HR: variants seen among roughly 807,000 people sequenced by gnomAD.
HR encodes lysine-specific demethylase hairless.
In HR, 83 loss-of-function variants were observed where a neutral mutation model predicts 128.6. That is an observed-to-expected ratio of 0.65 (90% CI 0.54 to 0.77). The LOEUF (loss-of-function observed/expected upper bound fraction) is 0.77, where lower values mean the gene tolerates loss of function less well. Among genes scored for constraint, HR ranks in the 30% least tolerant of loss-of-function variants. The pLI is 0.00. For missense variants in HR, 1,490 were observed against 1,574.6 expected (o/e 0.95, Z 0.91); for synonymous variants, 681 against 658.2 (o/e 1.03, Z -0.53).
rs1310854425 is a variant in HR, at chr8:22,128,766, AG to A, written c.404del (p.Pro135LeufsTer33). The A allele has an allele frequency of 6.2e-7, 1 of 1,607,914 alleles. No individual in the cohort carries two copies. The highest frequency in any genetic ancestry group is 1.7e-5 in the Admixed American group (1 of 58,826). Reference sequence around the variant, plus strand: ...GGCAGTGCCAGGGCCGGAAGGCCACAGGGTCACTCTTGAGATGGCCACCACT... The same window carrying A: ...GGCAGTGCCAGGGCCGGAAGGCCACAGGTCACTCTTGAGATGGCCACCACT... ...EHSGGHLKSD[P>X]VAFRPWHCPF... On this transcript the variant is annotated frameshift_variant, in exon 2 of 19. Transcript: ENST00000381418. LOFTEE classifies it high-confidence loss of function.
chr8:22,131,040 C>T (rs1279952479), upstream of HR: 3 of 152,320 alleles, frequency 2.0e-5, no homozygotes, highest in African/African-American at 7.2e-5. Context: ...CGCCGGTTTC[C>T]TCCTCCAGCA....
intron 2 of HR, 33 bp from the exon 3 acceptor site, chr8:22,127,862 G>T: frequency 1.3e-6 from 2 of 1,593,032 alleles, no homozygotes; most frequent in South Asian, 1.1e-5. Flanking sequence ...CGCTTCAGCT[G>T]ACTTGGGCTC....
intron 14 of HR, 90 bp from the exon 15 acceptor site, chr8:22,119,373 C>T: frequency 1.3e-6 from 2 of 1,566,838 alleles, no homozygotes; most frequent in South Asian, 2.3e-5. Flanking sequence ...CTTTGGGAGG[C>T]CCAGGCGGGC....
chr8:22,114,431 T>TA lies in HR; in HGVS notation c.*1268dup, dbSNP rs1410739609. 1 of 150,734 alleles carries TA rather than the reference T, an allele frequency of 6.6e-6. No homozygotes were observed. The allele number at this position is 150,734 out of a possible 1,614,324, so 9.3% of individuals were successfully genotyped here. On this transcript the variant is annotated 3_prime_UTR_variant, in exon 19 of 19. Transcript: ENST00000381418. The stretch of plus-strand genomic sequence containing the variant: ...TTCTGAAAGTATATTACCCTTATAA[T>TA]AAAAAACTTTATTTAATAAAAAAAA...
intron 14 of HR, 95 bp downstream of exon 14, chr8:22,119,665 G>A: frequency 7.0e-7 from 1 of 1,419,368 alleles, no homozygotes; most frequent in Admixed American, 2.6e-5. Context: ...AAGCGCTTCA[G>A]GCCCCAGGGC....
chr8:22,126,424 C>T (rs1236992022), intron 3 of HR, among the ~76,000 whole-genome samples: 1 of 152,242 alleles, frequency 6.6e-6, no homozygotes, highest in African/African-American at 2.4e-5. Flanking sequence ...GCGCCCAGAG[C>T]CCTAACACTG....
At chr8:22,121,789 T>C in intron 8 of HR, 95 bp from the exon 9 acceptor site, 1 of 1,249,634 alleles carries the variant, frequency 8.0e-7, no homozygotes, top group Middle Eastern at 1.9e-4. Context: ...CAATGGACTC[T>C]TGTCAGTCCT....
Position 22,121,709 on chromosome 8 carries a change from C to T in HR, c.2122-15G>A, listed in dbSNP as rs752291768. 6.2e-6 allele frequency: 10 copies of T among 1,612,432 alleles called. No homozygotes were observed. The Admixed American group carries it at 1.3e-4, about 21-fold the overall frequency. On this transcript the variant is annotated splice_polypyrimidine_tract_variant and intron_variant, in intron 8 of 18. Coordinates refer to ENST00000381418, the MANE Select transcript of HR (RefSeq NM_005144.5). Reference sequence around the variant, plus strand: ...GTTGATTCCTTCTGTTAAACCCATCCACCACCCCCCCAATCCAACCAGAGA... The same window carrying T: ...GTTGATTCCTTCTGTTAAACCCATCTACCACCCCCCCAATCCAACCAGAGA...
Position 22,128,506 on chromosome 8 carries a change from G to A in HR, c.612+53C>T, listed in dbSNP as rs767697721. 1.3e-5 allele frequency: 21 copies of A among 1,608,082 alleles called. 1 individual carries two copies. The highest frequency in any genetic ancestry group is 6.7e-5 in the Admixed American group (4 of 59,360). On this transcript the variant is annotated intron_variant, in intron 2 of 18. Transcript: ENST00000381418. ...GTGGAAGGGCATCTTGGGGACCACC[G>A]AGCAACTTTGCTAGGCCAGAGCCAC...
At position 22,129,290 on chromosome 8, in the gene HR, C is replaced by T. The variant is rs2131770171; in HGVS notation, c.-40-80G>A. ...ACAGCCTGGCACAGAGTGGGCACCG[C>T]CCTGGCAACACTGAGGCAGCTCAAA... On this transcript the variant is annotated intron_variant, in intron 1 of 18. Transcript: ENST00000381418. The T allele has an allele frequency of 5.5e-6, 7 of 1,277,294 alleles. No individual in the cohort carries two copies. The East Asian group carries it at 7.2e-5, about 13-fold the overall frequency. The allele number at this position is 1,277,294 out of a possible 1,614,324, so 79.1% of individuals were successfully genotyped here.
At chr8:22,117,112 T>C (rs1198024607) in intron 16 of HR, 73 bp from the exon 17 acceptor site, 4 of 1,382,754 alleles carry the variant, frequency 2.9e-6, no homozygotes, top group African/African-American at 2.9e-5. Context: ...GGGCATGGAC[T>C]TTCCAGAGGC....
chr8:22,127,481 C>T lies in HR; in HGVS notation c.961G>A (p.Val321Ile). 1.2e-6 allele frequency: 2 copies of T among 1,611,058 alleles called. No homozygotes were observed. The highest frequency in any genetic ancestry group is 1.7e-6 in the Non-Finnish European group (2 of 1,178,298). ...GATGAACAGCAGCCCCGCTGGGTGACAGGCGGCTCAGGAGAGGGGCACCTT... is the reference window on the plus strand; with the variant it reads ...GATGAACAGCAGCCCCGCTGGGTGATAGGCGGCTCAGGAGAGGGGCACCTT... ...TPRCPSPEPP[V>I]TQRGCCSSYP... Residue 321 changes from valine (V) to isoleucine (I), a missense_variant, in exon 3 of 19, where the codon GTC becomes ATC. By Grantham distance (29) the Val-to-Ile change is conservative. Transcript: ENST00000381418.
At chr8:22,123,836 G>A in intron 5 of HR, 23 bp from the exon 6 acceptor site, 6 of 1,586,580 alleles carry the variant, frequency 3.8e-6, no homozygotes, top group Non-Finnish European at 5.1e-6. Flanking sequence ...GAGAGAACAG[G>A]GTCAGAGGGT....
chr8:22,127,561 C>T lies in HR; in HGVS notation c.881G>A (p.Trp294Ter). Residue 294 changes from tryptophan to a stop codon, truncating the protein, a stop_gained, in exon 3 of 19, where the codon TGG (tryptophan) becomes TAG (stop). Transcript: ENST00000381418. LOFTEE classifies it high-confidence loss of function. ...PGLVHTLGNV[W>*]AGPGDGNLGY... ...AAGGTTCCCATCGCCTGGCCCAGCC[C>T]AGACGTTGCCAAGAGTATGAACAAG... The T allele has an allele frequency of 6.2e-7, 1 of 1,613,044 alleles. No homozygotes were observed. The highest frequency in any genetic ancestry group is 8.5e-7 in the Non-Finnish European group (1 of 1,180,014).
In HR at chr8:22,116,916, G is replaced by A. The variant is rs1228954487; in HGVS notation, c.3337C>T (p.Pro1113Ser). Residue 1113 changes from proline (P) to serine (S), a missense_variant, in exon 17 of 19, where the codon CCC becomes TCC. Pro to Ser is a moderately conservative substitution (Grantham distance 74). Around this residue, in one of 3 missense-constraint regions of HR, gnomAD observed 423 missense variants for 495.9 expected, o/e 0.85. Transcript: ENST00000381418. This position sits in a 1 kb window ranked among gnomAD's most constrained non-coding sequence, Gnocchi z 4.2. ...GCAGGCACCAGCACGGCCTCTCCGGGGGCCTGGAGCAGGGTCCAGCAGCTC... is the reference window on the plus strand; with the variant it reads ...GCAGGCACCAGCACGGCCTCTCCGGAGGCCTGGAGCAGGGTCCAGCAGCTC... ...GVSCWTLLQA[P>S]GEAVLVPAGA... 2 of 1,558,630 alleles carry A rather than the reference G, an allele frequency of 1.3e-6. No homozygotes were observed. The highest frequency in any genetic ancestry group is 1.7e-6 in the Non-Finnish European group (2 of 1,157,206).
chr8:22,116,291 C>T lies in HR; in HGVS notation c.3507+9G>A. 1 of 1,611,914 alleles carries T rather than the reference C, an allele frequency of 6.2e-7. No individual in the cohort carries two copies. The highest frequency in any genetic ancestry group is 1.3e-5 in the African/African-American group (1 of 74,988). On this transcript the variant is annotated intron_variant, in intron 18 of 18. Coordinates refer to ENST00000381418, the MANE Select transcript of HR (RefSeq NM_005144.5). The surrounding 1 kb of genome is among the most constrained non-coding windows in gnomAD (Gnocchi z 4.2). Reference sequence around the variant, plus strand: ...GCACACCCAGCCTGCTGGCCCACATCCCACTCACCTGGGCATAAAGCAGGT... The same window carrying T: ...GCACACCCAGCCTGCTGGCCCACATTCCACTCACCTGGGCATAAAGCAGGT...
chr8:22,119,635 A>G, intron 14 of HR, 125 bp downstream of exon 14: 1 of 1,227,270 alleles, frequency 8.1e-7, no homozygotes, highest in Non-Finnish European at 1.1e-6. Flanking sequence ...AAAAAAAGAA[A>G]GAAAGAAATG....
intron 14 of HR, among the ~76,000 whole-genome samples, chr8:22,119,539 G>A (rs1432316336): frequency 4.6e-5 from 7 of 152,100 alleles, no homozygotes; most frequent in South Asian, 2.1e-4. Flanking sequence ...CCTGGGAGGC[G>A]GAGGTTGCGG....
chr8:22,118,528 G>A, intron 16 of HR: 2 of 238,720 alleles, frequency 8.4e-6, no homozygotes, highest in Non-Finnish European at 8.4e-6. Context: ...AGAGCATAGA[G>A]TAGTGACCTG....
Sources: allele counts gnomAD v4.1 joint callset (sites outside exome capture counted in the v4.1 genomes callset), GRCh38; gene constraint gnomAD v4.1.1; regional missense constraint gnomAD v4.1.1; non-coding constraint Gnocchi (gnomAD v3.1); transcripts MANE v1.5; gene names NCBI Gene and HGNC (gene_info 2026-07-23, HGNC 2026-07-21).